The following SNX29 variants were observed in gnomAD, a reference collection of about 807,000 sequenced individuals.
The protein encoded by SNX29 is sorting nexin-29.
In SNX29, 78 loss-of-function variants were observed where a neutral mutation model predicts 102.1. That is an observed-to-expected ratio of 0.76 (90% CI 0.64 to 0.92). SNX29 has a LOEUF of 0.92. SNX29 is among the 40% of genes least tolerant of loss of function. SNX29 has a pLI of 0.00. For synonymous variants in SNX29, 580 were observed against 414.5 expected (o/e 1.40, Z -4.85); for missense variants, 1,280 against 1,061.7 (o/e 1.21, Z -2.86).
intron 20 of SNX29, chr16:12,560,880 A>G (rs554089435): frequency 1.1e-5 from 2 of 188,812 alleles, no homozygotes; most frequent in South Asian, 2.0e-4. Flanking sequence ...TTAGTTCAAG[A>G]TTTGACAAGC....
At chr16:12,088,908 C>T (rs888060137) in intron 11 of SNX29, among the ~76,000 whole-genome samples, 5 of 152,050 alleles carry the variant, frequency 3.3e-5, no homozygotes, top group African/African-American at 4.8e-5. Context: ...GCCAACACAG[C>T]GAAACCCCAT....
At chr16:12,500,393 G>A (rs963012327) in intron 19 of SNX29, among the ~76,000 whole-genome samples, 1 of 152,140 alleles carries the variant, frequency 6.6e-6, no homozygotes, top group Non-Finnish European at 1.5e-5. Flanking sequence ...CTGGCCCCAG[G>A]TACACAGTGA....
intron 15 of SNX29, among the ~76,000 whole-genome samples, chr16:12,341,045 G>A (rs1472390660): frequency 1.3e-5 from 2 of 152,214 alleles, no homozygotes; most frequent in Non-Finnish European, 2.9e-5. Context: ...GATGATTACA[G>A]TGAAGGAATA....
At chr16:12,489,661 C>G (rs1055951292) in intron 19 of SNX29, among the ~76,000 whole-genome samples, 1 of 152,200 alleles carries the variant, frequency 6.6e-6, no homozygotes. Flanking sequence ...AGCATAAAAA[C>G]CAGGTCTACA....
chr16:12,290,135 C>T (rs1235167975), intron 15 of SNX29, among the ~76,000 whole-genome samples: 1 of 152,142 alleles, frequency 6.6e-6, no homozygotes, highest in African/African-American at 2.4e-5. Context: ...TTAAAACTTA[C>T]CAGTGGCTCA....
chr16:12,426,133 C>T (rs2085070239), intron 18 of SNX29, among the ~76,000 whole-genome samples: 1 of 151,472 alleles, frequency 6.6e-6, no homozygotes, highest in Admixed American at 6.6e-5. Context: ...TTTGGTATAT[C>T]AGGTAGCTTG....
intron 10 of SNX29, among the ~76,000 whole-genome samples, chr16:12,076,279 C>G (rs1330332755): frequency 1.3e-5 from 2 of 151,700 alleles, no homozygotes; most frequent in Non-Finnish European, 2.9e-5. Flanking sequence ...GGAGCTGTTC[C>G]TATTCGGCCA....
At chr16:12,560,898 TTTTTAATC>T in intron 20 of SNX29, 1 of 193,774 alleles carries the variant, frequency 5.2e-6, no homozygotes, top group East Asian at 8.1e-5. Context: ...AGCAGTGGCT[TTTTTAATC>T]CTTTTAAAAT....
chr16:12,317,594 C>T lies in SNX29; in HGVS notation c.1783-38569C>T, dbSNP rs75466062. Among the ~76,000 whole-genome samples, 1,239 of 152,324 alleles carry T rather than the reference C, an allele frequency of 8.1e-3. 21 individuals are homozygous for T. The highest frequency in any genetic ancestry group is 0.027 in the African/African-American group (1,137 of 41,564). ...TGGCTTAGATTTCTGTGTGCTGCCA[C>T]CTAACACTCTCACTTCCTCACCCTG... On this transcript the variant is annotated intron_variant, in intron 15 of 20. Transcript: ENST00000566228.
At chr16:12,566,708 T>C (rs1394669794) in intron 20 of SNX29, among the ~76,000 whole-genome samples, 1 of 148,528 alleles carries the variant, frequency 6.7e-6, no homozygotes, top group Non-Finnish European at 1.5e-5. Context: ...GGGTCCCCCA[T>C]CCTTTGAAGA....
chr16:12,572,327 G>A lies in SNX29; in HGVS notation c.*3698G>A, dbSNP rs960552493. On this transcript the variant is annotated 3_prime_UTR_variant, in exon 21 of 21. Coordinates refer to ENST00000566228, the MANE Select transcript of SNX29 (RefSeq NM_032167.5). The stretch of plus-strand genomic sequence containing the variant: ...AATCCAGGTTGGAAACAGGAGTGAA[G>A]CCCACCAGCCTGCCTGGTTGATGGA... The A allele has an allele frequency of 1.9e-6, 2 of 1,062,972 alleles. No homozygotes were observed. The highest frequency in any genetic ancestry group is 4.6e-5 in the South Asian group (1 of 21,972). 65.8% of individuals were successfully genotyped at this position (1,062,972 alleles called of 1,614,324 possible).
intron 20 of SNX29, among the ~76,000 whole-genome samples, chr16:12,558,369 A>G (rs1489452115): frequency 6.6e-6 from 1 of 152,216 alleles, no homozygotes; most frequent in Non-Finnish European, 1.5e-5. Flanking sequence ...AGCCATTGGT[A>G]ACCATCGGAA....
intron 13 of SNX29, among the ~76,000 whole-genome samples, chr16:12,178,125 G>A (rs2076301622): frequency 6.6e-6 from 1 of 152,192 alleles, no homozygotes; most frequent in Non-Finnish European, 1.5e-5. Flanking sequence ...GGGAGCCAGG[G>A]CAGGAAATGC....
chr16:12,221,211 C>T (rs1159562996), intron 14 of SNX29, among the ~76,000 whole-genome samples: 1 of 151,750 alleles, frequency 6.6e-6, no homozygotes, highest in African/African-American at 2.4e-5. Context: ...TGATACGCAG[C>T]AGGCTGAGTG....
intron 19 of SNX29, among the ~76,000 whole-genome samples, chr16:12,499,898 A>G (rs1236191077): frequency 1.3e-5 from 2 of 152,148 alleles, no homozygotes; most frequent in African/African-American, 2.4e-5. Context: ...GCTGGTCTCA[A>G]ACTCCTGGGC....
intron 3 of SNX29, among the ~76,000 whole-genome samples, chr16:12,018,137 C>A (rs1288105445): frequency 5.9e-5 from 9 of 152,100 alleles, no homozygotes; most frequent in Non-Finnish European, 1.0e-4. Flanking sequence ...TAAGTTTGTA[C>A]ATTAATTTGG....
At chr16:12,273,886 G>A (rs1261686698) in intron 14 of SNX29, among the ~76,000 whole-genome samples, 1 of 152,114 alleles carries the variant, frequency 6.6e-6, no homozygotes, top group South Asian at 2.1e-4. Flanking sequence ...ATGCTCTCAC[G>A]GTCTATCTGT....
At chr16:12,119,056 C>A (rs7201211) in intron 11 of SNX29, among the ~76,000 whole-genome samples, 1 of 152,156 alleles carries the variant, frequency 6.6e-6, no homozygotes, top group African/African-American at 2.4e-5. Context: ...TGATCCACAG[C>A]TTGATCTCTT....
chr16:12,208,414 C>CTG (rs869308030), intron 14 of SNX29, among the ~76,000 whole-genome samples: 2 of 128,976 alleles, frequency 1.6e-5, no homozygotes, highest in African/African-American at 6.0e-5. Flanking sequence ...TGTAAGCTCT[C>CTG]AGAAGGAATG....
Sources: allele counts gnomAD v4.1 joint callset (sites outside exome capture counted in the v4.1 genomes callset), GRCh38; gene constraint gnomAD v4.1.1; transcripts MANE v1.5; gene names NCBI Gene and HGNC (gene_info 2026-07-23, HGNC 2026-07-21).